Variants in SLC39A12 observed in about 807,000 individuals in gnomAD.
SLC39A12 encodes the protein zinc transporter ZIP12.
A neutral mutation model predicts 71.1 loss-of-function variants in SLC39A12; 63 were observed. The observed-to-expected ratio is 0.89, with a 90% CI of 0.72 to 1.09. The LOEUF (loss-of-function observed/expected upper bound fraction) is 1.09. SLC39A12 is among the 50% of genes least tolerant of loss of function. SLC39A12 has a pLI of 0.00. For synonymous variants in SLC39A12, 351 were observed against 301.3 expected (o/e 1.16, Z -1.71); for missense variants, 892 against 812.6 (o/e 1.10, Z -1.19).
chr10:17,993,667 A>G (rs1349724843), intron 9 of SLC39A12, among the ~76,000 whole-genome samples: 3 of 152,228 alleles, frequency 2.0e-5, no homozygotes, highest in Non-Finnish European at 4.4e-5. Context: ...GGAGCAAGGG[A>G]TTACTTAGTG....
At chr10:18,018,107 A>G (rs994346291) in intron 12 of SLC39A12, among the ~76,000 whole-genome samples, 2 of 152,136 alleles carry the variant, frequency 1.3e-5, no homozygotes, top group African/African-American at 4.8e-5. Flanking sequence ...ACATTTTGTT[A>G]GATTTATAAC....
In SLC39A12 at chr10:18,001,280, C is replaced by T. The variant is rs192455216; in HGVS notation, c.1759+455C>T. Among the ~76,000 whole-genome samples the T allele has an allele frequency of 2.7e-3, 407 of 152,228 alleles. 3 individuals are homozygous for T. Among genetic ancestry groups the T allele is most frequent in the Admixed American group, 0.01 (155 of 15,294 alleles). The stretch of plus-strand genomic sequence containing the variant: ...CTGTAATCCCAGCACTTTGGGAGGC[C>T]GAGGCATGTGGATCACCTGAGGACA... On this transcript the variant is annotated intron_variant, in intron 11 of 12. Transcript: ENST00000377369.
chr10:17,978,083 A>C lies in SLC39A12; in HGVS notation c.924+9A>C. On this transcript the variant is annotated intron_variant, in intron 5 of 12. Coordinates refer to ENST00000377369, the MANE Select transcript of SLC39A12 (RefSeq NM_001145195.2). ...CAGTTTCCTGGGATCAGGTATTGCC[A>C]TTGTTTCTCTTATTCAAGCATTTGC... 2 of 1,543,792 alleles carry C rather than the reference A, an allele frequency of 1.3e-6. No individual in the cohort carries two copies.
chr10:17,991,329 T>G, intron 8 of SLC39A12, 26 bp downstream of exon 8: 1 of 1,542,348 alleles, frequency 6.5e-7, no homozygotes, highest in Non-Finnish European at 8.7e-7. Flanking sequence ...TTATTTGTCT[T>G]GTGCTTTAAA....
chr10:17,988,674 A>G (rs79053745), intron 7 of SLC39A12, among the ~76,000 whole-genome samples: 4,327 of 152,280 alleles, frequency 0.028, 214 homozygotes, highest in East Asian at 0.2. Flanking sequence ...GGGGTCAGCC[A>G]ATGAGGGGCA....
intron 6 of SLC39A12, among the ~76,000 whole-genome samples, chr10:17,982,026 G>A (rs1835273255): frequency 6.6e-6 from 1 of 152,144 alleles, no homozygotes; most frequent in Non-Finnish European, 1.5e-5. Flanking sequence ...GTGGAAAGCA[G>A]TGATATCCTA....
chr10:17,994,686 C>A (rs1835640475), intron 9 of SLC39A12, among the ~76,000 whole-genome samples: 1 of 152,128 alleles, frequency 6.6e-6, no homozygotes, highest in South Asian at 2.1e-4. Flanking sequence ...TCTCTGTATC[C>A]TACAGGCTCT....
At chr10:17,972,928 C>A (rs1835012576) in intron 4 of SLC39A12, among the ~76,000 whole-genome samples, 5 of 151,840 alleles carry the variant, frequency 3.3e-5, no homozygotes, top group Admixed American at 3.3e-4. Flanking sequence ...TTTCTGTCTT[C>A]CTTTAGTGAA....
chr10:18,006,868 G>T (rs1204168838), intron 12 of SLC39A12, among the ~76,000 whole-genome samples: 1 of 152,194 alleles, frequency 6.6e-6, no homozygotes, highest in African/African-American at 2.4e-5. Context: ...GGAATGCAGT[G>T]TGAACCAGAG....
intron 2 of SLC39A12, among the ~76,000 whole-genome samples, chr10:17,960,803 G>A (rs691148): frequency 0.64 from 97,632 of 152,068 alleles, 31,512 homozygotes; most frequent in Non-Finnish European, 0.66. Flanking sequence ...TAAAATGCAC[G>A]CCAGTTTTCA....
chr10:17,963,662 A>G (rs1834749517), intron 3 of SLC39A12, among the ~76,000 whole-genome samples: 1 of 152,174 alleles, frequency 6.6e-6, no homozygotes, highest in Non-Finnish European at 1.5e-5. Flanking sequence ...CAATCAGTCC[A>G]GACTTTGCAG....
At chr10:18,023,752 C>G (rs376196251) in intron 12 of SLC39A12, among the ~76,000 whole-genome samples, 43 of 152,166 alleles carry the variant, frequency 2.8e-4, no homozygotes, top group Admixed American at 9.2e-4. Context: ...TCCTCTGTAG[C>G]AGCATGGCTG....
At chr10:17,988,881 C>T (rs577225789) in intron 7 of SLC39A12, among the ~76,000 whole-genome samples, 2 of 152,176 alleles carry the variant, frequency 1.3e-5, no homozygotes, top group Non-Finnish European at 2.9e-5. Context: ...TGCTTTCCTG[C>T]GATTGCCAGT....
At chr10:17,978,261 A>T (rs887849731) in intron 5 of SLC39A12, among the ~76,000 whole-genome samples, 187 bp downstream of exon 5, 3 of 152,224 alleles carry the variant, frequency 2.0e-5, no homozygotes, top group Admixed American at 2.0e-4. Flanking sequence ...AGACATAAAA[A>T]CAAAGCCAAG....
Position 17,953,227 on chromosome 10 carries a change from A to T in SLC39A12, c.-50A>T, listed in dbSNP as rs375419785. Reference sequence around the variant, plus strand: ...GTTACAAGTTTACCCCATAAACGGCAACACACTCACCTCCATCCAAGACAG... The same window carrying T: ...GTTACAAGTTTACCCCATAAACGGCTACACACTCACCTCCATCCAAGACAG... On this transcript the variant is annotated 5_prime_UTR_variant, in exon 2 of 13. Coordinates refer to ENST00000377369, the MANE Select transcript of SLC39A12 (RefSeq NM_001145195.2). 1.9e-6 allele frequency: 3 copies of T among 1,579,806 alleles called. No homozygotes were observed. Among genetic ancestry groups the T allele is most frequent in the Non-Finnish European group, 2.6e-6 (3 of 1,163,654 alleles).
chr10:18,037,269 T>C (rs578252531), intron 12 of SLC39A12, among the ~76,000 whole-genome samples: 18 of 152,364 alleles, frequency 1.2e-4, no homozygotes, highest in African/African-American at 4.1e-4. Flanking sequence ...ATGTATTTTA[T>C]CAAATTTTCA....
chr10:18,003,103 T>C (rs1260262301), intron 11 of SLC39A12, 68 bp from the exon 12 acceptor site: 1 of 1,427,566 alleles, frequency 7.0e-7, no homozygotes, highest in Non-Finnish European at 9.6e-7. Flanking sequence ...TAGCTAATAG[T>C]GCGTTACTTT....
At chr10:18,016,248 A>C (rs1236313809) in intron 12 of SLC39A12, among the ~76,000 whole-genome samples, 1 of 152,042 alleles carries the variant, frequency 6.6e-6, no homozygotes, top group African/African-American at 2.4e-5. Flanking sequence ...TACTGTCTTC[A>C]TGGTTTTGTC....
At chr10:18,037,613 A>T (rs567252575) in intron 12 of SLC39A12, among the ~76,000 whole-genome samples, 4 of 152,206 alleles carry the variant, frequency 2.6e-5, no homozygotes, top group Non-Finnish European at 5.9e-5. Flanking sequence ...GGGGAAATAT[A>T]TATGTAAGAA....
Sources: allele counts gnomAD v4.1 joint callset (sites outside exome capture counted in the v4.1 genomes callset), GRCh38; gene constraint gnomAD v4.1.1; transcripts MANE v1.5; gene names NCBI Gene and HGNC (gene_info 2026-07-23, HGNC 2026-07-21).